The following FNDC3A variants were observed in gnomAD, a reference collection of about 807,000 sequenced individuals.
FNDC3A encodes the protein fibronectin type-III domain-containing protein 3A.
Under a neutral mutation model 148.9 loss-of-function variants are expected in FNDC3A, and 32 were observed. The observed-to-expected ratio is 0.21, with a 90% CI of 0.16 to 0.29. The LOEUF is 0.29. Ranked by LOEUF, FNDC3A falls within the 10% of genes least tolerant of loss-of-function variation. FNDC3A has a pLI of 1.00. For synonymous variants in FNDC3A, 472 were observed against 473.6 expected (o/e 1.00, Z 0.04); for missense variants, 1,191 against 1,452.8 (o/e 0.82, Z 2.93).
chr13:49,029,088 C>G (rs1873931207), intron 2 of FNDC3A, among the ~76,000 whole-genome samples: 1 of 152,154 alleles, frequency 6.6e-6, no homozygotes, highest in Non-Finnish European at 1.5e-5. Flanking sequence ...GTCCTCCCAC[C>G]TTAACCTCCC....
At chr13:48,986,694 C>G (rs1713069391) in intron 1 of FNDC3A, among the ~76,000 whole-genome samples, 1 of 151,754 alleles carries the variant, frequency 6.6e-6, no homozygotes, top group African/African-American at 2.4e-5. Context: ...CTGCGCCTGG[C>G]CCGGAAGGTT....
intron 3 of FNDC3A, among the ~76,000 whole-genome samples, chr13:49,079,935 C>T (rs1335601472): frequency 2.0e-5 from 3 of 152,096 alleles, no homozygotes; most frequent in African/African-American, 4.8e-5. Flanking sequence ...CTGCCTTAGC[C>T]TCCTGAGCAG....
At chr13:49,188,401 C>A in intron 16 of FNDC3A, 114 bp from the exon 17 acceptor site, 1 of 679,134 alleles carries the variant, frequency 1.5e-6, no homozygotes. Flanking sequence ...TAAATTGTTT[C>A]TGACAAATTA....
At position 49,064,255 on chromosome 13, in the gene FNDC3A, C is replaced by T. The variant is rs982812010; in HGVS notation, c.100-11034C>T. On this transcript the variant is annotated intron_variant, in intron 2 of 25. Coordinates refer to ENST00000492622, the MANE Select transcript of FNDC3A (RefSeq NM_001079673.2). ...ACTTGGGAGGCTGAGGCAGGAGAAT[C>T]GCTTGAACCTGGGAGGTGGAGGTTG... Among the ~76,000 whole-genome samples, 7 of 152,092 alleles carry T rather than the reference C, an allele frequency of 4.6e-5. No homozygotes were observed. In the East Asian group the frequency reaches 9.7e-4, roughly 21 times the overall value.
intron 13 of FNDC3A, among the ~76,000 whole-genome samples, chr13:49,176,156 T>G (rs1033174020): frequency 7.9e-5 from 12 of 152,186 alleles, no homozygotes; most frequent in Non-Finnish European, 1.6e-4. Flanking sequence ...ATTTTCATTT[T>G]TTGTTGTGAC....
chr13:49,093,835 A>G (rs1879346257), intron 3 of FNDC3A, among the ~76,000 whole-genome samples: 1 of 152,184 alleles, frequency 6.6e-6, no homozygotes, highest in African/African-American at 2.4e-5. Context: ...GACTATCTCT[A>G]TCAAAAAGTG....
At chr13:49,100,282 A>G (rs1455668109) in intron 3 of FNDC3A, among the ~76,000 whole-genome samples, 2 of 152,100 alleles carry the variant, frequency 1.3e-5, no homozygotes, top group Admixed American at 6.6e-5. Context: ...AACATACCAA[A>G]TGATGTATTT....
At chr13:49,158,404 A>C (rs940020301) in intron 8 of FNDC3A, among the ~76,000 whole-genome samples, 2 of 152,084 alleles carry the variant, frequency 1.3e-5, no homozygotes, top group African/African-American at 4.8e-5. Context: ...GCGCTCACTG[A>C]CCTGCGCCCA....
Position 49,136,420 on chromosome 13 carries a change from C to T in FNDC3A, c.579C>T (p.Arg193=). Residue 193 remains arginine, a synonymous_variant, in exon 6 of 26, where the codon CGC becomes CGT. Coordinates refer to ENST00000492622, the MANE Select transcript of FNDC3A (RefSeq NM_001079673.2). ...GTTTGCAGAAAAAATTGAAGGATCG[C>T]CAAGGAACACAGAAAGATAAAATGA... ...YERLQKKLKD[R]QGTQKDKMSS... 5 of 1,613,966 alleles carry T rather than the reference C, an allele frequency of 3.1e-6. No individual in the cohort carries two copies. The highest frequency in any genetic ancestry group is 4.2e-6 in the Non-Finnish European group (5 of 1,179,970).
chr13:49,074,729 A>T (rs1877976144), intron 2 of FNDC3A, among the ~76,000 whole-genome samples: 1 of 152,146 alleles, frequency 6.6e-6, no homozygotes, highest in East Asian at 1.9e-4. Flanking sequence ...GAATGTTAAC[A>T]ATGTGTATCT....
intron 2 of FNDC3A, among the ~76,000 whole-genome samples, chr13:49,009,769 G>C (rs1952299544): frequency 6.6e-6 from 1 of 152,124 alleles, no homozygotes; most frequent in South Asian, 2.1e-4. Flanking sequence ...GTGTGGTTTA[G>C]CAGTTTACTA....
chr13:49,065,084 C>T (rs1196304081), intron 2 of FNDC3A, among the ~76,000 whole-genome samples: 1 of 152,182 alleles, frequency 6.6e-6, no homozygotes. Flanking sequence ...TTTATTTGCT[C>T]CATTTCTGCT....
At chr13:49,002,978 G>A (rs954456316) in intron 1 of FNDC3A, among the ~76,000 whole-genome samples, 21 of 152,136 alleles carry the variant, frequency 1.4e-4, no homozygotes, top group African/African-American at 4.8e-4. Flanking sequence ...TTTCCTAAGT[G>A]ATTTACGAAT....
chr13:49,031,214 C>A (rs928184663), intron 2 of FNDC3A, among the ~76,000 whole-genome samples: 1 of 152,026 alleles, frequency 6.6e-6, no homozygotes, highest in Admixed American at 6.6e-5. Flanking sequence ...TGGTGAAACT[C>A]CATCTCTACT....
chr13:49,157,616 C>G (rs11148139), intron 8 of FNDC3A, among the ~76,000 whole-genome samples: 6 of 151,192 alleles, frequency 4.0e-5, no homozygotes, highest in African/African-American at 1.5e-4. Context: ...AGAGTTTCCA[C>G]TTTTTCTGTT....
At chr13:49,010,975 G>T (rs1433096576) in intron 2 of FNDC3A, among the ~76,000 whole-genome samples, 3 of 152,038 alleles carry the variant, frequency 2.0e-5, no homozygotes, top group Non-Finnish European at 2.9e-5. Flanking sequence ...GTTGAAATTT[G>T]TTCTTTTTAG....
chr13:49,172,843 A>C (rs964373656), intron 11 of FNDC3A, among the ~76,000 whole-genome samples: 4 of 152,204 alleles, frequency 2.6e-5, no homozygotes, highest in African/African-American at 9.6e-5. Flanking sequence ...CACAGCAAGC[A>C]TACTGGACTT....
At position 49,131,319 on chromosome 13, in the gene FNDC3A, C is replaced by T; in HGVS notation, c.435C>T (p.Asp145=). ...HMYSPVTGAG[D]MTTQYMPQYQ... is the part of the protein sequence containing the mutation. ...ACTCACCCGTGACTGGAGCTGGAGA[C>T]ATGACAACACAGTATATGCCACAGT... Residue 145 remains aspartate (D), a synonymous_variant, in exon 5 of 26, where the codon GAC becomes GAT. Transcript: ENST00000492622. The T allele has an allele frequency of 1.2e-6, 2 of 1,614,060 alleles. No homozygotes were observed.
At chr13:49,180,505 T>C (rs1172603120) in intron 14 of FNDC3A, among the ~76,000 whole-genome samples, 1 of 152,148 alleles carries the variant, frequency 6.6e-6, no homozygotes, top group African/African-American at 2.4e-5. Context: ...ACCTGAGAAA[T>C]AGGCACATCC....
Sources: gnomAD v4.1 joint callset for allele counts (sites outside exome capture counted in the v4.1 genomes callset) on GRCh38, gnomAD v4.1.1 for gene constraint, MANE v1.5 for transcripts, NCBI Gene and HGNC (gene_info 2026-07-23, HGNC 2026-07-21) for gene names.